Variants in RBFOX3 observed in about 807,000 individuals in gnomAD.
RBFOX3 encodes the protein RNA binding fox-1 homolog 3.
A neutral mutation model predicts 48.7 loss-of-function variants in RBFOX3; 17 were observed. The ratio of observed to expected loss-of-function variants is 0.35; its 90% CI spans 0.24 to 0.52. The LOEUF (loss-of-function observed/expected upper bound fraction) is 0.52, where lower values mean the gene tolerates loss of function less well. Ranked by LOEUF, RBFOX3 falls within the 20% of genes least tolerant of loss-of-function variation. The probability of loss-of-function intolerance (pLI) is 0.94; values close to 1 mark genes in which losing one functional copy is unlikely to be tolerated. For missense variants in RBFOX3, 382 were observed against 497.5 expected, an observed-to-expected ratio of 0.77 and a Z score of 2.21; for synonymous variants, 212 against 209.5, an observed-to-expected ratio of 1.01 and a Z score of -0.10.
At chr17:79,622,325 G>A in the RBFOX3 span, among the ~76,000 whole-genome samples, 3 of 152,272 alleles carry the variant, frequency 2.0e-5, no homozygotes, top group South Asian at 6.2e-4. Context: ...AGAAGCATCT[G>A]TCACGGGGAG....
chr17:79,307,481 C>A (rs2076255059), intron 3 of RBFOX3, among the ~76,000 whole-genome samples: 1 of 148,638 alleles, frequency 6.7e-6, no homozygotes, highest in Non-Finnish European at 1.5e-5. Flanking sequence ...TATTAATTAT[C>A]TATTATATAC....
intron 3 of RBFOX3, among the ~76,000 whole-genome samples, chr17:79,280,856 G>GGGGGGT (rs1362963995): frequency 7.5e-6 from 1 of 133,986 alleles, no homozygotes. Context: ...GGGGGGAGGG[G>GGGGGGT]AGGGTCTCCT....
intron 2 of RBFOX3, among the ~76,000 whole-genome samples, chr17:79,463,231 T>C (rs1298987295): frequency 1.4e-4 from 9 of 65,260 alleles, no homozygotes; most frequent in Non-Finnish European, 1.7e-4. Context: ...CCATCGCCAC[T>C]GCCACTGCCA....
the RBFOX3 span, among the ~76,000 whole-genome samples, chr17:79,624,952 G>C: frequency 6.6e-6 from 1 of 152,232 alleles, no homozygotes; most frequent in Admixed American, 6.5e-5. Context: ...TGTGTACTCA[G>C]AGACTGGGGA....
intron 2 of RBFOX3, among the ~76,000 whole-genome samples, chr17:79,373,962 G>C (rs546826346): frequency 3.9e-5 from 6 of 152,258 alleles, no homozygotes; most frequent in African/African-American, 1.4e-4. Flanking sequence ...GGGTTCAAGC[G>C]ATTCTCCTGA....
chr17:79,142,817 C>T (rs1568215513), intron 4 of RBFOX3, among the ~76,000 whole-genome samples: 1 of 152,144 alleles, frequency 6.6e-6, no homozygotes, highest in East Asian at 1.9e-4. Context: ...TCCTCTGGTT[C>T]CCAAGAGACT....
At chr17:79,218,657 C>T (rs369296709) in intron 4 of RBFOX3, among the ~76,000 whole-genome samples, 11 of 152,144 alleles carry the variant, frequency 7.2e-5, no homozygotes, top group African/African-American at 1.7e-4. Context: ...AGGTCAGGGC[C>T]GGGAGCCGAG....
At chr17:79,422,604 C>T (rs1431784953) in intron 2 of RBFOX3, among the ~76,000 whole-genome samples, 10 of 152,230 alleles carry the variant, frequency 6.6e-5, no homozygotes, top group African/African-American at 2.4e-4. Flanking sequence ...CAGCCTCAGG[C>T]TGGGCGGGGC....
chr17:79,209,425 C>A (rs1206205966), intron 4 of RBFOX3, among the ~76,000 whole-genome samples: 1 of 152,244 alleles, frequency 6.6e-6, no homozygotes, highest in Non-Finnish European at 1.5e-5. Context: ...GCACTCGGGA[C>A]ACACCCATTG....
chr17:79,126,523 C>T (rs1251304355), intron 4 of RBFOX3, among the ~76,000 whole-genome samples: 2 of 152,098 alleles, frequency 1.3e-5, no homozygotes. Flanking sequence ...ATGGCTGGAT[C>T]AGGTGACCTC....
intron 4 of RBFOX3, among the ~76,000 whole-genome samples, chr17:79,187,095 A>G (rs2053562822): frequency 6.6e-6 from 1 of 152,260 alleles, no homozygotes; most frequent in African/African-American, 2.4e-5. Context: ...GCAGGGGAAT[A>G]CTAGACTCCA....
At position 79,106,638 on chromosome 17, in the gene RBFOX3, C is replaced by G. The variant is rs761274622; in HGVS notation, c.360+13G>C. 18 of 1,454,268 alleles carry G rather than the reference C, an allele frequency of 1.2e-5. No individual in the cohort carries two copies. The South Asian group carries it at 2.2e-4, about 18-fold the overall frequency. 90.1% of individuals were successfully genotyped at this position (1,454,268 alleles called of 1,614,324 possible). ...GTGTGGAGGGCAGGATGGGTGGGGC[C>G]GCGCACACTCACCCCGAACATTTGC... On this transcript the variant is annotated intron_variant, in intron 6 of 14. Coordinates refer to ENST00000693108, the MANE Select transcript of RBFOX3 (RefSeq NM_001350451.2).
intron 3 of RBFOX3, among the ~76,000 whole-genome samples, chr17:79,256,096 G>A (rs1234528951): frequency 1.3e-5 from 2 of 151,858 alleles, no homozygotes; most frequent in East Asian, 2.0e-4. Context: ...GCAGTCCATG[G>A]TAGGGAAGCC....
At chr17:79,622,721 C>T in the RBFOX3 span, among the ~76,000 whole-genome samples, 1 of 152,172 alleles carries the variant, frequency 6.6e-6, no homozygotes, top group African/African-American at 2.4e-5. Context: ...ATCCCACCAC[C>T]TCATTTCACC....
At chr17:79,264,990 C>T (rs935610350) in intron 3 of RBFOX3, among the ~76,000 whole-genome samples, 7 of 150,948 alleles carry the variant, frequency 4.6e-5, no homozygotes, top group East Asian at 3.9e-4. Context: ...AGATTTGTGG[C>T]GATCATAAAA....
intron 9 of RBFOX3, chr17:79,098,122 G>C (rs1380093262): frequency 4.7e-6 from 1 of 211,926 alleles, no homozygotes; most frequent in Non-Finnish European, 9.7e-6. Context: ...TGGGATGAGG[G>C]TTTCTGGAGT....
chr17:79,344,302 G>A (rs1298978192), intron 2 of RBFOX3, among the ~76,000 whole-genome samples: 1 of 152,102 alleles, frequency 6.6e-6, no homozygotes, highest in Non-Finnish European at 1.5e-5. Flanking sequence ...AATTTGAGTT[G>A]GCATAAATGA....
At chr17:79,559,727 G>A (rs1351945339) in intron 1 of RBFOX3, among the ~76,000 whole-genome samples, 2 of 147,834 alleles carry the variant, frequency 1.4e-5, no homozygotes, top group Non-Finnish European at 3.0e-5. Context: ...GGTGGTGGAT[G>A]GATGGGTGAA....
intron 1 of RBFOX3, among the ~76,000 whole-genome samples, chr17:79,506,416 A>C (rs1171891038): frequency 6.6e-6 from 1 of 152,206 alleles, no homozygotes; most frequent in Non-Finnish European, 1.5e-5. Flanking sequence ...CCGAGCGGCC[A>C]TCTGTCTGTT....
Sources: gnomAD v4.1 joint callset for allele counts (sites outside exome capture counted in the v4.1 genomes callset) on GRCh38, gnomAD v4.1.1 for gene constraint, MANE v1.5 for transcripts, NCBI Gene and HGNC (gene_info 2026-07-23, HGNC 2026-07-21) for gene names.